ADD1: variants seen among roughly 807,000 people sequenced by gnomAD.
The protein encoded by ADD1 is alpha-adducin.
In ADD1, 24 loss-of-function variants were observed where a neutral mutation model predicts 80.5. That is an observed-to-expected ratio of 0.30 (90% confidence interval 0.22 to 0.42). The LOEUF (loss-of-function observed/expected upper bound fraction) is 0.42, where lower values mean the gene tolerates loss of function less well. ADD1 is among the 10% of genes least tolerant of loss of function. ADD1 has a pLI of 1.00. For synonymous variants in ADD1, 373 were observed against 393.8 expected, an observed-to-expected ratio of 0.95 and a Z score of 0.63; for missense variants, 948 against 1,019.0, an observed-to-expected ratio of 0.93 and a Z score of 0.95.
At chr4:2,878,258 A>C (rs1393605342) in intron 2 of ADD1, among the ~76,000 whole-genome samples, 1 of 152,186 alleles carries the variant, frequency 6.6e-6, no homozygotes, top group Non-Finnish European at 1.5e-5. Context: ...TTAGAGAGAA[A>C]ATTGGCTGGG....
chr4:2,874,293 T>C (rs1397616773), intron 1 of ADD1, among the ~76,000 whole-genome samples: 3 of 152,174 alleles, frequency 2.0e-5, no homozygotes, highest in African/African-American at 7.2e-5. Flanking sequence ...CCCAATTGTT[T>C]TCATGTTTTG....
intron 1 of ADD1, among the ~76,000 whole-genome samples, chr4:2,871,164 G>A (rs1730385369): frequency 6.6e-6 from 1 of 151,796 alleles, no homozygotes. Flanking sequence ...GTAGAGATGG[G>A]GTTTCACCGT....
At chr4:2,860,197 C>T (rs1353769324) in intron 1 of ADD1, among the ~76,000 whole-genome samples, 2 of 152,078 alleles carry the variant, frequency 1.3e-5, no homozygotes, top group Non-Finnish European at 2.9e-5. Context: ...TCTTATTGTC[C>T]TACCTCTGGG....
At chr4:2,845,926 A>G (rs1004199195) in intron 1 of ADD1, among the ~76,000 whole-genome samples, 1 of 152,170 alleles carries the variant, frequency 6.6e-6, no homozygotes, top group Non-Finnish European at 1.5e-5. Flanking sequence ...ACATATACAC[A>G]TATGTAGAGA....
chr4:2,878,961 G>A (rs1731791476), intron 2 of ADD1, among the ~76,000 whole-genome samples: 1 of 152,052 alleles, frequency 6.6e-6, no homozygotes, highest in Non-Finnish European at 1.5e-5. Flanking sequence ...GTGGTTGCAG[G>A]GCACATACTT....
In ADD1 at chr4:2,929,360, T is replaced by G. The variant is rs1712619318; in HGVS notation, c.*837T>G. 1 of 152,242 alleles carries G rather than the reference T, an allele frequency of 6.6e-6. No homozygotes were observed. The highest frequency in any genetic ancestry group is 2.1e-4 in the South Asian group (1 of 4,834). The allele number at this position is 152,242 out of a possible 1,614,324, so 9.4% of individuals were successfully genotyped here. A position where few individuals can be genotyped will look rare whatever the true frequency, so the allele number is the denominator to read the frequency against. On this transcript the variant is annotated 3_prime_UTR_variant, in exon 16 of 16. Coordinates refer to ENST00000683351, the MANE Select transcript of ADD1 (RefSeq NM_001354761.2). Reference sequence around the variant, plus strand: ...CCACAGTAGAGCACTTTTCACTTATTTGGGGGAGGCTTCAGGGGACTGTTC... The same window carrying G: ...CCACAGTAGAGCACTTTTCACTTATGTGGGGGAGGCTTCAGGGGACTGTTC...
intron 13 of ADD1, among the ~76,000 whole-genome samples, chr4:2,910,698 G>T (rs371722531): frequency 1.3e-5 from 2 of 152,260 alleles, no homozygotes; most frequent in East Asian, 3.9e-4. Flanking sequence ...TTACAGCTTT[G>T]TGTGCTCTGT....
chr4:2,852,827 G>C (rs956436002), intron 1 of ADD1, among the ~76,000 whole-genome samples: 3 of 151,086 alleles, frequency 2.0e-5, no homozygotes, highest in African/African-American at 7.3e-5. Context: ...AGCTTCCTGA[G>C]CAGCTGGGCC....
chr4:2,893,926 C>G (rs959894758), intron 4 of ADD1, 87 bp from the exon 5 acceptor site: 2 of 1,272,634 alleles, frequency 1.6e-6, no homozygotes, highest in Non-Finnish European at 2.3e-6. Flanking sequence ...ACTCAGTGTT[C>G]TGAACAAACC....
Position 2,905,052 on chromosome 4 carries a change from T to C in ADD1, c.1450T>C (p.Leu484=). The change falls in exon 10 of 16, where the codon TTG becomes CTG. Residue 484 remains leucine, a synonymous_variant. Coordinates refer to ENST00000683351, the MANE Select transcript of ADD1 (RefSeq NM_001354761.2). The part of the protein sequence containing the change: ...TNITHDHVKP[L]LQSLSSGVCV... The stretch of plus-strand genomic sequence containing the variant: ...CATTACACACGATCACGTGAAACCC[T>C]TGCTGCAGTCTCTCTCGTCCGGTGT... The C allele has an allele frequency of 6.2e-7, 1 of 1,614,216 alleles. No homozygotes were observed. Among genetic ancestry groups the C allele is most frequent in the East Asian group, 2.2e-5 (1 of 44,880 alleles).
At chr4:2,874,690 T>A (rs1214835723) in intron 1 of ADD1, among the ~76,000 whole-genome samples, 4 of 152,128 alleles carry the variant, frequency 2.6e-5, no homozygotes, top group Non-Finnish European at 5.9e-5. Context: ...ATCAAATTGA[T>A]CTTTTTCTTA....
At position 2,891,123 on chromosome 4, in the gene ADD1, TTA is replaced by T. The variant is rs1491145758; in HGVS notation, c.511-2889_511-2888del. Among the ~76,000 whole-genome samples, 426 of 145,510 alleles carry T rather than the reference TTA, an allele frequency of 2.9e-3. 4 individuals carry two copies. Among genetic ancestry groups the T allele is most frequent in the African/African-American group, 9.8e-3 (385 of 39,372 alleles). ...AACATAGTGAAACCCTGTCTCTATT[TTA>T]AAAAAAAAAAAAAAGGTCAGCATGC... On this transcript the variant is annotated intron_variant, in intron 4 of 15. Coordinates refer to ENST00000683351, the MANE Select transcript of ADD1 (RefSeq NM_001354761.2).
At position 2,926,191 on chromosome 4, in the gene ADD1, C is replaced by A; in HGVS notation, c.2047+79C>A. 2 of 1,263,614 alleles carry A rather than the reference C, an allele frequency of 1.6e-6. No homozygotes were observed. Among genetic ancestry groups the A allele is most frequent in the South Asian group, 2.4e-5 (2 of 82,602 alleles). 78.3% of individuals were successfully genotyped at this position (1,263,614 alleles called of 1,614,324 possible). ...CGCTGTGGCGGAATGTGGCGGGAGT[C>A]GTGTTAACAGCAACACGGAAGTGTG... On this transcript the variant is annotated intron_variant, in intron 15 of 15. Coordinates refer to ENST00000683351, the MANE Select transcript of ADD1 (RefSeq NM_001354761.2). This position sits in a 1 kb window ranked among gnomAD's most constrained non-coding sequence, Gnocchi z 5.0.
intron 4 of ADD1, among the ~76,000 whole-genome samples, chr4:2,885,654 G>C (rs989445167): frequency 1.3e-5 from 2 of 151,258 alleles, no homozygotes; most frequent in African/African-American, 4.9e-5. Context: ...CTGTTGCCCA[G>C]GCTGGAGTGC....
chr4:2,914,575 A>C (rs1227827319), intron 13 of ADD1: 2 of 263,888 alleles, frequency 7.6e-6, no homozygotes, highest in South Asian at 1.2e-4. Flanking sequence ...CACAGTGAGG[A>C]GTGGGCACCC....
chr4:2,906,744 T>C (rs1737130858), intron 10 of ADD1, among the ~76,000 whole-genome samples: 1 of 152,256 alleles, frequency 6.6e-6, no homozygotes, highest in African/African-American at 2.4e-5. Flanking sequence ...AATAAAACGC[T>C]GGAGTTGTTT....
In ADD1 at chr4:2,904,785, T is replaced by C. The variant is rs1240947982; in HGVS notation, c.1183T>C (p.Tyr395His). Residue 395 changes from tyrosine (Y) to histidine (H), a missense_variant, in exon 10 of 16, where the codon TAT becomes CAT. Coordinates refer to ENST00000683351, the MANE Select transcript of ADD1 (RefSeq NM_001354761.2). The stretch of plus-strand genomic sequence containing the variant: ...CTAGGGCTACAGAACTGGCTACCCT[T>C]ATCGATACCCTGCTCTGAGAGAGAA... ...DNLGYRTGYP[Y>H]RYPALREKSK... The C allele has an allele frequency of 1.2e-6, 2 of 1,614,022 alleles. No individual in the cohort carries two copies. The highest frequency in any genetic ancestry group is 1.3e-5 in the African/African-American group (1 of 74,930).
At chr4:2,885,799 A>G (rs1475713244) in intron 4 of ADD1, among the ~76,000 whole-genome samples, 3 of 151,780 alleles carry the variant, frequency 2.0e-5, no homozygotes, top group Non-Finnish European at 2.9e-5. Flanking sequence ...TTTAGTAGAG[A>G]CGGGGTTTCA....
At chr4:2,916,201 TTATTATTA>T (rs1553850798) in intron 14 of ADD1, among the ~76,000 whole-genome samples, 2 of 146,120 alleles carry the variant, frequency 1.4e-5, no homozygotes, top group African/African-American at 5.2e-5. Context: ...ATTATTATTA[TTATTATTA>T]TTTTTGAGAT....
Sources: gnomAD v4.1 joint callset for allele counts (sites outside exome capture counted in the v4.1 genomes callset) on GRCh38, gnomAD v4.1.1 for gene constraint, Gnocchi (gnomAD v3.1) non-coding constraint, MANE v1.5 for transcripts, NCBI Gene and HGNC (gene_info 2026-07-23, HGNC 2026-07-21) for gene names.